ST6GALNAC3: variants seen among roughly 807,000 people sequenced by gnomAD.
The protein encoded by ST6GALNAC3 is ST6 N-acetylgalactosaminide alpha-2,6-sialyltransferase 3.
A neutral mutation model predicts 32.7 loss-of-function variants in ST6GALNAC3; 25 were observed. That is an observed-to-expected ratio of 0.76 (90% CI 0.56 to 1.07). The LOEUF is 1.07. Among genes scored for constraint, ST6GALNAC3 ranks in the 50% least tolerant of loss-of-function variants. ST6GALNAC3 has a pLI of 0.00. For synonymous variants in ST6GALNAC3, 129 were observed against 133.1 expected, an observed-to-expected ratio of 0.97 and a Z score of 0.21; for missense variants, 355 against 382.4, an observed-to-expected ratio of 0.93 and a Z score of 0.60.
intron 1 of ST6GALNAC3, among the ~76,000 whole-genome samples, chr1:76,104,054 C>T (rs1366695345): frequency 6.6e-6 from 1 of 152,124 alleles, no homozygotes; most frequent in Non-Finnish European, 1.5e-5. Context: ...ATAATTTTCT[C>T]TTTCTATAAA....
chr1:76,244,032 T>A (rs1276590217), intron 1 of ST6GALNAC3, among the ~76,000 whole-genome samples: 1 of 152,198 alleles, frequency 6.6e-6, no homozygotes, highest in Non-Finnish European at 1.5e-5. Flanking sequence ...ATAAATTACT[T>A]TGGGCAGTAT....
At chr1:76,186,072 G>A (rs1346964534) in intron 1 of ST6GALNAC3, among the ~76,000 whole-genome samples, 1 of 152,134 alleles carries the variant, frequency 6.6e-6, no homozygotes, top group Non-Finnish European at 1.5e-5. Context: ...CCACAGATAT[G>A]GAGGGACCAC....
chr1:76,603,396 A>G (rs1324182643), intron 3 of ST6GALNAC3, among the ~76,000 whole-genome samples: 1 of 152,222 alleles, frequency 6.6e-6, no homozygotes, highest in Non-Finnish European at 1.5e-5. Context: ...AAAAAAATGA[A>G]TGAACTGCAG....
chr1:76,317,811 C>T (rs911156278), intron 2 of ST6GALNAC3, among the ~76,000 whole-genome samples: 7 of 152,048 alleles, frequency 4.6e-5, no homozygotes, highest in African/African-American at 1.4e-4. Flanking sequence ...CTCTTTACTA[C>T]TGTCTAAAGA....
chr1:76,300,470 T>C (rs1178908928), intron 1 of ST6GALNAC3, among the ~76,000 whole-genome samples: 2 of 151,986 alleles, frequency 1.3e-5, no homozygotes, highest in African/African-American at 4.8e-5. Context: ...AAAATGGATG[T>C]ACAGATGAGG....
chr1:76,445,110 A>G (rs1159391919), intron 3 of ST6GALNAC3, among the ~76,000 whole-genome samples: 1 of 152,158 alleles, frequency 6.6e-6, no homozygotes, highest in African/African-American at 2.4e-5. Flanking sequence ...CAGTAGTTTT[A>G]TGACTTTGTG....
intron 1 of ST6GALNAC3, among the ~76,000 whole-genome samples, chr1:76,238,517 T>A (rs580928): frequency 0.4 from 61,333 of 151,990 alleles, 13,188 homozygotes; most frequent in African/African-American, 0.53. Flanking sequence ...CACTGGACAT[T>A]CCGAGACATA....
At chr1:76,636,920 C>G (rs1483139581), downstream of ST6GALNAC3, 1 of 152,094 alleles carries the variant, frequency 6.6e-6, no homozygotes, top group East Asian at 1.9e-4. Context: ...GGACAAGAAA[C>G]TTTAGTGTCT....
chr1:76,112,721 G>A (rs1310007214), intron 1 of ST6GALNAC3, among the ~76,000 whole-genome samples: 2 of 150,962 alleles, frequency 1.3e-5, no homozygotes, highest in Non-Finnish European at 3.0e-5. Context: ...GGGCAGAGAC[G>A]CTCCTCACAT....
intron 1 of ST6GALNAC3, among the ~76,000 whole-genome samples, chr1:76,227,337 G>T (rs1345523615): frequency 6.6e-6 from 1 of 152,106 alleles, no homozygotes; most frequent in Non-Finnish European, 1.5e-5. Context: ...TTCTCATTAG[G>T]GGTCCTGGGA....
chr1:76,394,526 C>T (rs1652796205), intron 2 of ST6GALNAC3, among the ~76,000 whole-genome samples: 1 of 152,052 alleles, frequency 6.6e-6, no homozygotes, highest in East Asian at 1.9e-4. Flanking sequence ...GATATGGCCA[C>T]TATATGATAA....
intron 2 of ST6GALNAC3, among the ~76,000 whole-genome samples, chr1:76,378,668 C>CAA (rs60471587): frequency 7.4e-5 from 11 of 148,056 alleles, no homozygotes; most frequent in South Asian, 4.3e-4. Context: ...TTCCCCCCCC[C>CAA]AAAAAAAAAA....
At chr1:76,179,706 C>T (rs553874158) in intron 1 of ST6GALNAC3, among the ~76,000 whole-genome samples, 10 of 152,286 alleles carry the variant, frequency 6.6e-5, no homozygotes, top group Non-Finnish European at 1.0e-4. Flanking sequence ...GCCCAAGAAG[C>T]GATCTTATCC....
chr1:76,129,259 G>T (rs190677123), intron 1 of ST6GALNAC3, among the ~76,000 whole-genome samples: 34 of 152,284 alleles, frequency 2.2e-4, no homozygotes, highest in Admixed American at 2.1e-3. Context: ...TAGAGTAAGG[G>T]ATGGGCGTCC....
At chr1:76,122,504 A>C (rs1173446025) in intron 1 of ST6GALNAC3, among the ~76,000 whole-genome samples, 1 of 152,098 alleles carries the variant, frequency 6.6e-6, no homozygotes, top group East Asian at 1.9e-4. Context: ...GCACTGAGCT[A>C]TTTGCTGAGA....
intron 2 of ST6GALNAC3, among the ~76,000 whole-genome samples, chr1:76,376,930 G>A (rs921935053): frequency 8.6e-5 from 13 of 151,944 alleles, no homozygotes; most frequent in Admixed American, 2.6e-4. Flanking sequence ...GGTTACTCTA[G>A]GTATTATAAT....
chr1:76,247,993 A>C (rs2100688538), intron 1 of ST6GALNAC3, among the ~76,000 whole-genome samples: 1 of 151,916 alleles, frequency 6.6e-6, no homozygotes, highest in African/African-American at 2.4e-5. Context: ...GATTGCAAAA[A>C]TCTGTGGGAA....
intron 3 of ST6GALNAC3, among the ~76,000 whole-genome samples, chr1:76,588,158 G>T (rs1363653622): frequency 6.6e-6 from 1 of 152,094 alleles, no homozygotes. Flanking sequence ...GAGAATGATA[G>T]ACCCAGTGAA....
intron 1 of ST6GALNAC3, among the ~76,000 whole-genome samples, chr1:76,114,936 A>G (rs149714555): frequency 0.024 from 3,630 of 149,648 alleles, 114 homozygotes; most frequent in Admixed American, 0.069. Flanking sequence ...AAAAAAAAAG[A>G]AAAAGAAAAA....
Sources: gnomAD v4.1 joint callset for allele counts (sites outside exome capture counted in the v4.1 genomes callset) on GRCh38, gnomAD v4.1.1 for gene constraint, MANE v1.5 for transcripts, NCBI Gene and HGNC (gene_info 2026-07-23, HGNC 2026-07-21) for gene names.